SPOCK1: variants seen among roughly 807,000 people sequenced by gnomAD.
SPOCK1 encodes SPARC (osteonectin), cwcv and kazal like domains proteoglycan 1.
A neutral mutation model predicts 55.3 loss-of-function variants in SPOCK1; 23 were observed. The observed-to-expected ratio is 0.42, with a 90% CI of 0.30 to 0.59. SPOCK1 has a LOEUF of 0.59. Ranked by LOEUF, SPOCK1 falls within the 20% of genes least tolerant of loss-of-function variation. The pLI, the probability that SPOCK1 is intolerant of heterozygous loss-of-function variation, is 0.22. For synonymous variants in SPOCK1, 226 were observed against 221.0 expected (o/e 1.02, Z -0.20); for missense variants, 499 against 552.5 (o/e 0.90, Z 0.97).
Position 136,988,621 on chromosome 5 carries a change from G to A in SPOCK1, c.729C>T (p.Pro243=). 6.2e-7 allele frequency: 1 copy of A among 1,613,328 alleles called. No individual in the cohort carries two copies. Among genetic ancestry groups the A allele is most frequent in the Non-Finnish European group, 8.5e-7 (1 of 1,179,556 alleles). The change falls in exon 8 of 11, where the codon CCC becomes CCT. Residue 243 remains proline (P), a synonymous_variant. Transcript: ENST00000394945. The part of the protein sequence containing the change: ...AQGRFDTSIL[P]ICKDSLGWMF... ...TCCAGCCCAGGGAGTCCTTGCAGAT[G>A]GGCAGGATGCTAGTGTCAAACCCTG...
chr5:137,335,215 T>G (rs1043531465), intron 2 of SPOCK1, among the ~76,000 whole-genome samples: 4 of 152,182 alleles, frequency 2.6e-5, no homozygotes, highest in Admixed American at 6.5e-5. Flanking sequence ...TCAATAAAAC[T>G]GTAAAAGAGA....
intron 6 of SPOCK1, among the ~76,000 whole-genome samples, chr5:137,006,682 C>A (rs1751256041): frequency 1.3e-5 from 2 of 152,072 alleles, no homozygotes; most frequent in Non-Finnish European, 1.5e-5. Flanking sequence ...ATTTGAATAC[C>A]TTTTATTTCT....
intron 6 of SPOCK1, among the ~76,000 whole-genome samples, chr5:137,066,610 A>G (rs1193854027): frequency 6.6e-6 from 1 of 152,242 alleles, no homozygotes; most frequent in African/African-American, 2.4e-5. Context: ...ACCAGACTAC[A>G]AAGAGGCTTA....
intron 6 of SPOCK1, among the ~76,000 whole-genome samples, chr5:136,999,369 A>T (rs1324845828): frequency 6.6e-6 from 1 of 151,992 alleles, no homozygotes; most frequent in Non-Finnish European, 1.5e-5. Context: ...CTCTGCCTGT[A>T]CCCCGGGACC....
intron 2 of SPOCK1, among the ~76,000 whole-genome samples, chr5:137,488,815 G>A (rs1273184919): frequency 6.6e-6 from 1 of 152,166 alleles, no homozygotes; most frequent in Non-Finnish European, 1.5e-5. Context: ...TAATTCTGCT[G>A]GGGAATGTTG....
At chr5:137,366,773 C>T (rs17703634) in intron 2 of SPOCK1, among the ~76,000 whole-genome samples, 23 of 152,096 alleles carry the variant, frequency 1.5e-4, no homozygotes, top group Non-Finnish European at 2.9e-4. Context: ...AGTCTCTCAC[C>T]GGCCTTGTGA....
chr5:137,140,793 G>T, intron 3 of SPOCK1, 99 bp from the exon 4 acceptor site: 1 of 730,758 alleles, frequency 1.4e-6, no homozygotes, highest in Non-Finnish European at 2.0e-6. Flanking sequence ...GACTCTCGCT[G>T]TGTTGCCCAG....
intron 2 of SPOCK1, among the ~76,000 whole-genome samples, chr5:137,479,214 GAACA>G (rs1199279263): frequency 1.3e-5 from 2 of 152,014 alleles, no homozygotes; most frequent in Non-Finnish European, 2.9e-5. Flanking sequence ...GTGACTAACG[GAACA>G]GAGAAAAGGA....
chr5:137,243,194 G>A (rs149910275), intron 3 of SPOCK1, among the ~76,000 whole-genome samples: 80 of 152,204 alleles, frequency 5.3e-4, no homozygotes, highest in African/African-American at 1.7e-3. Context: ...TCCTTGGCTC[G>A]TTCTTGAGCC....
In SPOCK1 at chr5:137,253,118, G is replaced by A. The variant is rs142311600; in HGVS notation, c.232+13892C>T. On this transcript the variant is annotated intron_variant, in intron 3 of 10. Transcript: ENST00000394945. ...GAGAAGTCACACTGCATTTGGAAACGTATGTCCGCATCTACAGCTCTGGAT... is the reference window on the plus strand; with the variant it reads ...GAGAAGTCACACTGCATTTGGAAACATATGTCCGCATCTACAGCTCTGGAT... 5.9e-5 allele frequency among the ~76,000 whole-genome samples: 9 copies of A among 152,274 alleles called. No individual in the cohort carries two copies. The East Asian group carries it at 1.2e-3, about 20-fold the overall frequency.
At chr5:137,123,953 G>A (rs904166334) in intron 4 of SPOCK1, among the ~76,000 whole-genome samples, 1 of 152,028 alleles carries the variant, frequency 6.6e-6, no homozygotes, top group Non-Finnish European at 1.5e-5. Context: ...CCCAATGCCA[G>A]CACCCTGAAG....
intron 2 of SPOCK1, among the ~76,000 whole-genome samples, chr5:137,313,775 T>C (rs556669282): frequency 6.6e-6 from 1 of 151,026 alleles, no homozygotes. Flanking sequence ...GTTGCATTCA[T>C]GCATGACAGG....
intron 2 of SPOCK1, among the ~76,000 whole-genome samples, chr5:137,491,201 C>T (rs902876929): frequency 1.3e-5 from 2 of 152,060 alleles, no homozygotes; most frequent in South Asian, 2.1e-4. Flanking sequence ...AAGACTGGAA[C>T]GTGACCTCAG....
chr5:137,083,086 C>T (rs1752901319), intron 5 of SPOCK1, among the ~76,000 whole-genome samples: 1 of 152,210 alleles, frequency 6.6e-6, no homozygotes, highest in East Asian at 1.9e-4. Context: ...CGGCTCCTGT[C>T]TCATGGTGCC....
At chr5:137,045,155 A>C (rs969214059) in intron 6 of SPOCK1, among the ~76,000 whole-genome samples, 7 of 151,374 alleles carry the variant, frequency 4.6e-5, no homozygotes, top group African/African-American at 9.8e-5. Flanking sequence ...TTAGGTATAT[A>C]CCCAGTAATG....
Position 137,075,267 on chromosome 5 carries a change from ACT to A in SPOCK1, c.475-7440_475-7439del, listed in dbSNP as rs139958297. Among the ~76,000 whole-genome samples, 660 of 152,144 alleles carry A rather than the reference ACT, an allele frequency of 4.3e-3. 6 individuals are homozygous for A. The highest frequency in any genetic ancestry group is 0.013 in the African/African-American group (523 of 41,498). On this transcript the variant is annotated intron_variant, in intron 5 of 10. Transcript: ENST00000394945. ...TGCTTTGCCCAGTGGTGCTAGGAGA[ACT>A]CTTCCCAGAAACCACTCCTCTTTTC...
intron 6 of SPOCK1, among the ~76,000 whole-genome samples, chr5:136,996,180 G>A (rs927482869): frequency 6.6e-6 from 1 of 152,184 alleles, no homozygotes; most frequent in Non-Finnish European, 1.5e-5. Context: ...CAGAAGTGGG[G>A]ACCCAGAGGA....
chr5:137,274,601 A>T (rs1208418192), intron 2 of SPOCK1, among the ~76,000 whole-genome samples: 1 of 152,230 alleles, frequency 6.6e-6, no homozygotes, highest in African/African-American at 2.4e-5. Flanking sequence ...ATGTCCCAGG[A>T]ACACTGAGAG....
intron 2 of SPOCK1, among the ~76,000 whole-genome samples, chr5:137,421,082 T>C (rs979909096): frequency 2.0e-5 from 3 of 152,244 alleles, no homozygotes; most frequent in African/African-American, 7.2e-5. Flanking sequence ...AGCAGGTTGT[T>C]CAGTTTCCAT....
Sources: allele counts gnomAD v4.1 joint callset (sites outside exome capture counted in the v4.1 genomes callset), GRCh38; gene constraint gnomAD v4.1.1; transcripts MANE v1.5; gene names NCBI Gene and HGNC (gene_info 2026-07-23, HGNC 2026-07-21).